TBXT: variants seen among roughly 807,000 people sequenced by gnomAD.
TBXT encodes T brachyury transcription factor.
In TBXT, 19 loss-of-function variants were observed where a neutral mutation model predicts 41.1. The observed-to-expected ratio is 0.46, with a 90% confidence interval of 0.32 to 0.68. The LOEUF (loss-of-function observed/expected upper bound fraction) is 0.68, where lower values mean the gene tolerates loss of function less well. Ranked by LOEUF, TBXT falls within the 30% of genes least tolerant of loss-of-function variation. The pLI is 0.03. For missense variants in TBXT, 536 were observed against 582.0 expected, an observed-to-expected ratio of 0.92 and a Z score of 0.81; for synonymous variants, 213 against 238.9, an observed-to-expected ratio of 0.89 and a Z score of 1.00.
chr6:166,158,272 G>C lies in TBXT; in HGVS notation c.*43C>G. ...CAATCCAGTCACCACTGGCTGCCAC[G>C]ACAAAAAGTCACTGCATCTTTCGGG... On this transcript the variant is annotated 3_prime_UTR_variant, in exon 8 of 8. Transcript: ENST00000366876. 3 of 1,614,062 alleles carry C rather than the reference G, an allele frequency of 1.9e-6. No homozygotes were observed. The highest frequency in any genetic ancestry group is 2.5e-6 in the Non-Finnish European group (3 of 1,180,018).
At chr6:166,165,978 AG>A in intron 2 of TBXT, 138 bp from the exon 3 acceptor site, 2 of 1,333,676 alleles carry the variant, frequency 1.5e-6, no homozygotes, top group Admixed American at 1.7e-5. Flanking sequence ...GGGTTCCACC[AG>A]GGGAGGCTTC....
rs1328272380 is a variant in TBXT, at chr6:166,166,815, T to C, written c.248A>G (p.Asp83Gly). ...PVLKVNVSGL[D>G]PNAMYSFLLD... ...CAGGAAGGAGTACATGGCGTTGGGGTCCAGGCCAGACACGTTCACCTTCAG... is the reference window on the plus strand; with the variant it reads ...CAGGAAGGAGTACATGGCGTTGGGGCCCAGGCCAGACACGTTCACCTTCAG... Residue 83 changes from aspartate (D) to glycine (G), a missense_variant, in exon 2 of 8, where the codon GAC (aspartate) becomes GGC (glycine). Coordinates refer to ENST00000366876, the MANE Select transcript of TBXT (RefSeq NM_001366285.2). 2 of 1,613,720 alleles carry C rather than the reference T, an allele frequency of 1.2e-6. No individual in the cohort carries two copies. Among genetic ancestry groups the C allele is most frequent in the Non-Finnish European group, 1.7e-6 (2 of 1,180,026 alleles).
At chr6:166,161,470 T>C (rs986125397) in intron 6 of TBXT, among the ~76,000 whole-genome samples, 10 of 152,236 alleles carry the variant, frequency 6.6e-5, no homozygotes, top group Non-Finnish European at 1.3e-4. Context: ...TGCTTAATTG[T>C]TTTATGGTAT....
Position 166,157,951 on chromosome 6 carries a change from T to G in TBXT, c.*364A>C. ...TCTCACTAAAGTAGGACTGGTGGAG[T>G]TTACAAATTCTGGTGTGCCAAAGTT... On this transcript the variant is annotated 3_prime_UTR_variant, in exon 8 of 8. Transcript: ENST00000366876. 2.2e-5 allele frequency: 8 copies of G among 367,468 alleles called. No individual in the cohort carries two copies. The highest frequency in any genetic ancestry group is 4.0e-5 in the Admixed American group (1 of 25,312). The allele number at this position is 367,468 out of a possible 1,614,324, so 22.8% of individuals were successfully genotyped here.
Position 166,166,487 on chromosome 6 carries a change from G to C in TBXT, c.471+105C>G, listed in dbSNP as rs1779118695. ...CTGTGGCAGTTTCTCCAGGGCAGAC[G>C]TCGCCTCCCGTTCAAGCAGCGTCCC... On this transcript the variant is annotated intron_variant, in intron 2 of 7. Coordinates refer to ENST00000366876, the MANE Select transcript of TBXT (RefSeq NM_001366285.2). The C allele has an allele frequency of 2.6e-6, 4 of 1,564,600 alleles. No individual in the cohort carries two copies. The Admixed American group carries it at 5.1e-5, about 20-fold the overall frequency.
Position 166,157,889 on chromosome 6 carries a change from A to G in TBXT, c.*426T>C. The stretch of plus-strand genomic sequence containing the variant: ...TTAACAGCTCAACTCTAACTACTTG[A>G]AAGCAACAAGGAAGAAGATTAAGAG... On this transcript the variant is annotated 3_prime_UTR_variant, in exon 8 of 8. Coordinates refer to ENST00000366876, the MANE Select transcript of TBXT (RefSeq NM_001366285.2). The G allele has an allele frequency of 3.5e-6, 1 of 282,362 alleles. No homozygotes were observed. The highest frequency in any genetic ancestry group is 4.2e-5 in the South Asian group (1 of 23,942). The allele number at this position is 282,362 out of a possible 1,614,324, so 17.5% of individuals were successfully genotyped here.
intron 5 of TBXT, among the ~76,000 whole-genome samples, chr6:166,164,084 T>C (rs114244919): frequency 0.015 from 2,301 of 152,318 alleles, 52 homozygotes; most frequent in African/African-American, 0.052. Flanking sequence ...TGCTGCCGTA[T>C]AATCCTCTAT....
intron 7 of TBXT, among the ~76,000 whole-genome samples, chr6:166,158,837 A>G (rs1056065944): frequency 3.3e-5 from 5 of 152,264 alleles, no homozygotes; most frequent in Admixed American, 2.6e-4. Context: ...TTATTCACAT[A>G]TTCAGAGCTC....
intron 3 of TBXT, 42 bp from the exon 4 acceptor site, chr6:166,164,903 A>C (rs1779067700): frequency 6.5e-7 from 1 of 1,536,934 alleles, no homozygotes; most frequent in South Asian, 1.1e-5. Flanking sequence ...ATTCCCTATT[A>C]GCCAGGGGAT....
rs558705554 is a variant in TBXT, at chr6:166,163,949, G to A, written c.730+656C>T. Among the ~76,000 whole-genome samples, 83 of 152,324 alleles carry A rather than the reference G, an allele frequency of 5.4e-4. 3 individuals are homozygous for A. The South Asian group carries it at 0.017, about 30-fold the overall frequency. ...AAAATGCCTGTGTAAGGAGGAGTGT[G>A]CCCTGTTGATTCATCCAGCCTCTTG... On this transcript the variant is annotated intron_variant, in intron 5 of 7. Coordinates refer to ENST00000366876, the MANE Select transcript of TBXT (RefSeq NM_001366285.2).
chr6:166,166,877 G>T, intron 1 of TBXT, 21 bp from the exon 2 acceptor site: 2 of 1,613,126 alleles, frequency 1.2e-6, no homozygotes, highest in Non-Finnish European at 1.7e-6. Context: ...CGGGGCGGGC[G>T]CAGGAGGACC....
chr6:166,167,840 G>C lies in TBXT; in HGVS notation c.-249C>G. ...ACTTGAACTCCCCAAGGCTCTACTA[G>C]TGTAGGTCTCTGGGGACCGAAATTC... On this transcript the variant is annotated 5_prime_UTR_variant, in exon 1 of 8. Coordinates refer to ENST00000366876, the MANE Select transcript of TBXT (RefSeq NM_001366285.2). 1.7e-6 allele frequency: 1 copy of C among 583,118 alleles called. No individual in the cohort carries two copies. The highest frequency in any genetic ancestry group is 3.1e-6 in the Non-Finnish European group (1 of 326,380). The allele number at this position is 583,118 out of a possible 1,614,324, so 36.1% of individuals were successfully genotyped here.
chr6:166,158,674 C>T (rs1316944793), intron 7 of TBXT, 86 bp from the exon 8 acceptor site: 24 of 1,393,634 alleles, frequency 1.7e-5, no homozygotes, highest in Non-Finnish European at 2.1e-5. Context: ...AAATCCCATT[C>T]GGAGTGACTG....
At chr6:166,168,303 G>A (rs1029263461), upstream of TBXT, 1 of 152,272 alleles carries the variant, frequency 6.6e-6, no homozygotes, top group African/African-American at 2.4e-5. Flanking sequence ...AGCCGCGCCA[G>A]GCTGGAACGT....
chr6:166,163,378 T>G (rs1346292878), intron 5 of TBXT, among the ~76,000 whole-genome samples: 1 of 152,134 alleles, frequency 6.6e-6, no homozygotes, highest in East Asian at 1.9e-4. Context: ...CAATTTCTTG[T>G]CCACTCATTT....
Position 166,165,857 on chromosome 6 carries a change from C to A in TBXT, c.472-17G>T. On this transcript the variant is annotated splice_polypyrimidine_tract_variant and intron_variant, in intron 2 of 7. Transcript: ENST00000366876. ...CAGCATGATCTGAGGGAGACAGATA[C>A]AGGATTGGTGGCACTGAAAGGCCTG... 1 of 1,614,092 alleles carries A rather than the reference C, an allele frequency of 6.2e-7. No individual in the cohort carries two copies. The highest frequency in any genetic ancestry group is 8.5e-7 in the Non-Finnish European group (1 of 1,180,002).
intron 5 of TBXT, among the ~76,000 whole-genome samples, chr6:166,164,346 C>T (rs1341527290): frequency 6.6e-6 from 1 of 152,208 alleles, no homozygotes; most frequent in Non-Finnish European, 1.5e-5. Flanking sequence ...CTCAATGATC[C>T]ACCCCAGGCA....
At chr6:166,164,757 A>G (rs1300239704) in intron 4 of TBXT, 43 bp downstream of exon 4, 3 of 1,611,614 alleles carry the variant, frequency 1.9e-6, no homozygotes, top group African/African-American at 1.3e-5. Context: ...ATCTTTCTGC[A>G]TACTTCTTTG....
chr6:166,167,988 C>T (rs938441115), upstream of TBXT: 9 of 280,398 alleles, frequency 3.2e-5, no homozygotes, highest in African/African-American at 2.0e-4. Flanking sequence ...CAGACCCAGC[C>T]GGGCGGGTCT....
Sources: allele counts gnomAD v4.1 joint callset (sites outside exome capture counted in the v4.1 genomes callset), GRCh38; gene constraint gnomAD v4.1.1; transcripts MANE v1.5; gene names NCBI Gene and HGNC (gene_info 2026-07-23, HGNC 2026-07-21).